Variants in BCAT1 observed in about 807,000 individuals in gnomAD.
BCAT1 encodes the protein branched chain amino acid transaminase 1.
BCAT1 carries 48 observed loss-of-function variants against 52.4 expected under a neutral mutation model. That is an observed-to-expected ratio of 0.92 (90% CI 0.73 to 1.16). The LOEUF (loss-of-function observed/expected upper bound fraction) is 1.16. BCAT1 is among the 50% of genes most tolerant of loss of function. The pLI is 0.00. For synonymous variants in BCAT1, 167 were observed against 161.3 expected (o/e 1.04, Z -0.27); for missense variants, 451 against 457.1 (o/e 0.99, Z 0.12).
chr12:24,870,629 A>C (rs928230679), intron 5 of BCAT1, among the ~76,000 whole-genome samples: 3 of 152,266 alleles, frequency 2.0e-5, no homozygotes, highest in African/African-American at 7.2e-5. Flanking sequence ...GGACTGACAC[A>C]TAAAAGATGT....
At position 24,929,808 on chromosome 12, in the gene BCAT1, A is replaced by G. The variant is rs117852475; in HGVS notation, c.6+19119T>C. On this transcript the variant is annotated intron_variant, in intron 1 of 10. Transcript: ENST00000261192. ...GCTCAGGAATACTATATAAACTTCA[A>G]TCATCTGGCCTTTCTTTGAGTCTCA... Among the ~76,000 whole-genome samples, 46 of 152,264 alleles carry G rather than the reference A, an allele frequency of 3.0e-4. 1 individual carries two copies. The East Asian group carries it at 8.3e-3, about 27-fold the overall frequency.
At chr12:24,835,460 A>G (rs963382324) in intron 8 of BCAT1, among the ~76,000 whole-genome samples, 3 of 152,220 alleles carry the variant, frequency 2.0e-5, no homozygotes, top group African/African-American at 7.2e-5. Context: ...CAAAAGTTCC[A>G]TCCAAGAACC....
At chr12:24,841,661 G>A (rs1941176879) in intron 7 of BCAT1, among the ~76,000 whole-genome samples, 1 of 152,144 alleles carries the variant, frequency 6.6e-6, no homozygotes, top group South Asian at 2.1e-4. Flanking sequence ...CCAGCACTTT[G>A]GGAGGCCAAG....
In BCAT1 at chr12:24,810,709, C is replaced by T. The variant is rs976959466; in HGVS notation, c.*7299G>A. 2 of 152,130 alleles carry T rather than the reference C, an allele frequency of 1.3e-5. No homozygotes were observed. Among genetic ancestry groups the T allele is most frequent in the Non-Finnish European group, 2.9e-5 (2 of 68,014 alleles). The allele number at this position is 152,130 out of a possible 1,614,324, so 9.4% of individuals were successfully genotyped here. On this transcript the variant is annotated 3_prime_UTR_variant, in exon 11 of 11. Coordinates refer to ENST00000261192, the MANE Select transcript of BCAT1 (RefSeq NM_005504.7). ...GACAGGGTCTGGAGAAGTGGGTCAC[C>T]GAGCACTCTGACATTTTTAAGTTCA...
At chr12:24,846,909 C>G (rs1311147380) in intron 6 of BCAT1, among the ~76,000 whole-genome samples, 2 of 152,182 alleles carry the variant, frequency 1.3e-5, no homozygotes, top group African/African-American at 2.4e-5. Context: ...CAACCCTAGA[C>G]TTTATTGTTC....
At chr12:24,839,472 G>A (rs1941107726) in intron 7 of BCAT1, among the ~76,000 whole-genome samples, 1 of 152,212 alleles carries the variant, frequency 6.6e-6, no homozygotes, top group Non-Finnish European at 1.5e-5. Flanking sequence ...CCAGGGTCCA[G>A]GATATGATAC....
chr12:24,895,429 G>A (rs1281504289), intron 2 of BCAT1, among the ~76,000 whole-genome samples: 4 of 151,994 alleles, frequency 2.6e-5, no homozygotes, highest in African/African-American at 7.2e-5. Context: ...AGGAGGCTGA[G>A]GCAGGAAAAT....
intron 3 of BCAT1, among the ~76,000 whole-genome samples, chr12:24,883,856 C>T (rs895173671): frequency 6.6e-6 from 1 of 152,162 alleles, no homozygotes; most frequent in African/African-American, 2.4e-5. Context: ...AGGGTTCACA[C>T]TCCTATGAGA....
chr12:24,933,179 G>A (rs1276202312), intron 1 of BCAT1, among the ~76,000 whole-genome samples: 1 of 136,532 alleles, frequency 7.3e-6, no homozygotes, highest in Non-Finnish European at 1.5e-5. Flanking sequence ...ATGTTGGCCA[G>A]GCAGGTCTCA....
At chr12:24,945,875 C>G (rs117376309) in intron 1 of BCAT1, 1 of 152,214 alleles carries the variant, frequency 6.6e-6, no homozygotes, top group African/African-American at 2.4e-5. Context: ...TAGAGGATAG[C>G]TGGCACAATT....
chr12:24,855,515 G>A (rs1446653045), intron 5 of BCAT1, among the ~76,000 whole-genome samples: 1 of 152,056 alleles, frequency 6.6e-6, no homozygotes, highest in African/African-American at 2.4e-5. Context: ...TGAGGAGCTG[G>A]GATTACAGGC....
At chr12:24,882,593 AT>A (rs199578257) in intron 3 of BCAT1, among the ~76,000 whole-genome samples, 113 of 144,866 alleles carry the variant, frequency 7.8e-4, no homozygotes, top group African/African-American at 2.8e-3. Flanking sequence ...ATTTTTTATT[AT>A]TTATTTTTTT....
chr12:24,823,305 C>T (rs2139330873), intron 10 of BCAT1, among the ~76,000 whole-genome samples: 2 of 152,250 alleles, frequency 1.3e-5, no homozygotes, highest in Middle Eastern at 6.8e-3. Context: ...AACTCCTGGG[C>T]TCAAGCAATT....
At chr12:24,884,382 A>T (rs1343656041) in intron 3 of BCAT1, among the ~76,000 whole-genome samples, 1 of 152,160 alleles carries the variant, frequency 6.6e-6, no homozygotes, top group African/African-American at 2.4e-5. Flanking sequence ...AAGGGAACAA[A>T]ATTTCAATTA....
At chr12:24,904,013 T>C (rs980732035) in intron 1 of BCAT1, 3 of 152,240 alleles carry the variant, frequency 2.0e-5, no homozygotes, top group Admixed American at 2.0e-4. Flanking sequence ...ACGCTACTGA[T>C]AATATACTGT....
intron 5 of BCAT1, among the ~76,000 whole-genome samples, chr12:24,860,451 G>T (rs370299227): frequency 6.6e-6 from 1 of 152,044 alleles, no homozygotes; most frequent in African/African-American, 2.4e-5. Context: ...ACTCCTATGA[G>T]AAAACTTTGG....
chr12:24,829,566 AATGTT>A (rs1292160392), intron 10 of BCAT1, among the ~76,000 whole-genome samples: 3 of 152,058 alleles, frequency 2.0e-5, no homozygotes, highest in African/African-American at 7.2e-5. Context: ...TCTATTTTTT[AATGTT>A]AAGTAATGTG....
chr12:24,823,610 C>T lies in BCAT1; in HGVS notation c.1120-5561G>A, dbSNP rs574357611. Among the ~76,000 whole-genome samples, 3 of 152,214 alleles carry T rather than the reference C, an allele frequency of 2.0e-5. No individual in the cohort carries two copies. In the Middle Eastern group the frequency reaches 0.01, roughly 518 times the overall value. On this transcript the variant is annotated intron_variant, in intron 10 of 10. Transcript: ENST00000261192. ...CAGGTAATTGCATCATGGGAGCAAA[C>T]CTCCCCCTTGCTGTTCTCATGATAG...
chr12:24,904,165 G>C (rs1249366990), intron 1 of BCAT1: 4 of 152,292 alleles, frequency 2.6e-5, no homozygotes, highest in Admixed American at 2.6e-4. Context: ...ATAGAGCGGC[G>C]AGTGTCCCTG....
Sources: allele counts gnomAD v4.1 joint callset (sites outside exome capture counted in the v4.1 genomes callset), GRCh38; gene constraint gnomAD v4.1.1; transcripts MANE v1.5; gene names NCBI Gene and HGNC (gene_info 2026-07-23, HGNC 2026-07-21).